The following TAFA2 variants were observed in gnomAD, a reference collection of about 807,000 sequenced individuals.
The protein encoded by TAFA2 is chemokine-like protein TAFA-2.
A neutral mutation model predicts 18.8 loss-of-function variants in TAFA2; 7 were observed. The ratio of observed to expected loss-of-function variants is 0.37; its 90% confidence interval spans 0.21 to 0.70. The LOEUF is 0.70. Ranked by LOEUF, TAFA2 falls within the 30% of genes least tolerant of loss-of-function variation. The pLI, the probability that TAFA2 is intolerant of heterozygous loss-of-function variation, is 0.53. For missense variants in TAFA2, 122 were observed against 158.1 expected (o/e 0.77, Z 1.23); for synonymous variants, 60 against 54.2 (o/e 1.11, Z -0.47).
At chr12:62,050,376 C>T (rs1300312533) in intron 1 of TAFA2, among the ~76,000 whole-genome samples, 1 of 151,978 alleles carries the variant, frequency 6.6e-6, no homozygotes, top group Non-Finnish European at 1.5e-5. Flanking sequence ...CAAGACCATC[C>T]TGGCTAACAC....
chr12:62,203,686 G>A (rs2062680967), intron 1 of TAFA2, among the ~76,000 whole-genome samples: 1 of 152,066 alleles, frequency 6.6e-6, no homozygotes, highest in African/African-American at 2.4e-5. Flanking sequence ...CCATTTGCTT[G>A]GGAAATTCTC....
chr12:62,259,142 G>C (rs529926484), upstream of TAFA2: 1 of 152,260 alleles, frequency 6.6e-6, no homozygotes, highest in South Asian at 2.0e-4. Context: ...AATGAGTTAG[G>C]GTTTAAAATG....
intron 4 of TAFA2, among the ~76,000 whole-genome samples, chr12:61,719,738 G>A (rs989687507): frequency 2.0e-5 from 3 of 152,064 alleles, no homozygotes; most frequent in South Asian, 2.1e-4. Context: ...CCCTTAGGGC[G>A]GTTACACACC....
chr12:61,819,130 T>A (rs1872216095), intron 2 of TAFA2, among the ~76,000 whole-genome samples: 1 of 152,138 alleles, frequency 6.6e-6, no homozygotes, highest in Non-Finnish European at 1.5e-5. Context: ...ACTTGTCTAG[T>A]AAAAATAGAA....
intron 1 of TAFA2, among the ~76,000 whole-genome samples, chr12:61,931,629 A>G (rs1877558516): frequency 6.6e-6 from 1 of 152,224 alleles, no homozygotes; most frequent in Admixed American, 6.5e-5. Flanking sequence ...CAAAAACTGA[A>G]GGGCAATAAG....
chr12:62,059,139 A>ATGTGTGTGTG (rs374882700), intron 1 of TAFA2, among the ~76,000 whole-genome samples: 38,498 of 136,012 alleles, frequency 0.28, 5,809 homozygotes, highest in Middle Eastern at 0.43. Context: ...ATGTGTGTAT[A>ATGTGTGTGTG]TGTGTGTGTG....
At chr12:62,234,931 G>T in intron 1 of TAFA2, 2 of 794,444 alleles carry the variant, frequency 2.5e-6, no homozygotes, top group South Asian at 2.7e-5. Context: ...CACGGAGGGG[G>T]CATAGCCTGG....
At chr12:61,787,726 C>G (rs1190049685) in intron 2 of TAFA2, among the ~76,000 whole-genome samples, 1 of 151,156 alleles carries the variant, frequency 6.6e-6, no homozygotes, top group Non-Finnish European at 1.5e-5. Context: ...AAGGAAAGAC[C>G]CAAAGCTTAC....
intron 1 of TAFA2, among the ~76,000 whole-genome samples, chr12:61,902,500 G>T (rs374365106): frequency 6.6e-6 from 1 of 152,098 alleles, no homozygotes; most frequent in Non-Finnish European, 1.5e-5. Flanking sequence ...TCTTCTGGGA[G>T]TGAGGCTTTG....
In TAFA2 at chr12:61,747,308, G is replaced by A. The variant is rs1404568812; in HGVS notation, c.384+6314C>T. 2.0e-4 allele frequency among the ~76,000 whole-genome samples: 29 copies of A among 143,996 alleles called. No individual in the cohort carries two copies. In the East Asian group the frequency reaches 4.3e-3, roughly 21 times the overall value. The allele number at this position is 143,996 out of a possible 152,430, so 94.5% of individuals were successfully genotyped here. A position where few individuals can be genotyped will look rare whatever the true frequency, so the allele number is the denominator to read the frequency against. On this transcript the variant is annotated intron_variant, in intron 4 of 4. Coordinates refer to ENST00000416284, the MANE Select transcript of TAFA2 (RefSeq NM_178539.5). The stretch of plus-strand genomic sequence containing the variant: ...CAACCATTGTGGAAGTCAGTGTGGC[G>A]ATTCCTCAGGGATCTATAACTGGAA...
rs201051816 is a variant in TAFA2, at chr12:62,213,717, TGTC to T, written c.-130+45043_-130+45045del. 1.1e-3 allele frequency among the ~76,000 whole-genome samples: 161 copies of T among 152,320 alleles called. 1 individual carries two copies. In the East Asian group the frequency reaches 0.029, roughly 27 times the overall value. On this transcript the variant is annotated intron_variant, in intron 1 of 5. Transcript: ENST00000551619. ...TGTGCCTTGTTAATACACATGGTCT[TGTC>T]TTTCAGAATTTACAATCCAAGTTAA...
chr12:61,796,496 T>C (rs891110135), intron 2 of TAFA2, among the ~76,000 whole-genome samples: 5 of 152,084 alleles, frequency 3.3e-5, no homozygotes, highest in Non-Finnish European at 5.9e-5. Flanking sequence ...AACTGATCAA[T>C]GTGTAATAAC....
intron 1 of TAFA2, among the ~76,000 whole-genome samples, chr12:62,184,780 A>G (rs1435267436): frequency 1.3e-5 from 2 of 151,972 alleles, no homozygotes; most frequent in Non-Finnish European, 2.9e-5. Flanking sequence ...GATTACAGGC[A>G]TGAGCCACCG....
rs1312195291 is a variant in TAFA2 at position 61,820,048 on chromosome 12, T to A, written c.106+47272A>T. 2.6e-5 allele frequency among the ~76,000 whole-genome samples: 4 copies of A among 152,098 alleles called. No homozygotes were observed. In the East Asian group the frequency reaches 7.7e-4, roughly 29 times the overall value. ...CTCTACCTTATCCAGAAACATTTTTTAATATGTTTCCACAAGTCTTTATAG... is the reference window on the plus strand; with the variant it reads ...CTCTACCTTATCCAGAAACATTTTTAAATATGTTTCCACAAGTCTTTATAG... On this transcript the variant is annotated intron_variant, in intron 2 of 4. Coordinates refer to ENST00000416284, the MANE Select transcript of TAFA2 (RefSeq NM_178539.5).
intron 2 of TAFA2, among the ~76,000 whole-genome samples, chr12:61,755,369 A>G (rs1333356901): frequency 6.6e-6 from 1 of 152,140 alleles, no homozygotes; most frequent in African/African-American, 2.4e-5. Flanking sequence ...TCAAAGTAAA[A>G]TAAACCTCTG....
At chr12:62,047,309 AT>A (rs760959726) in intron 1 of TAFA2, among the ~76,000 whole-genome samples, 10 of 152,142 alleles carry the variant, frequency 6.6e-5, no homozygotes, top group Non-Finnish European at 1.0e-4. Context: ...ACTGTATGAT[AT>A]TTGGCAAGTG....
intron 1 of TAFA2, among the ~76,000 whole-genome samples, chr12:61,910,097 TGTTTGTGTGTGTGTGTG>T (rs1565677891): frequency 3.2e-5 from 3 of 93,800 alleles, no homozygotes; most frequent in African/African-American, 1.3e-4. Context: ...TGTGTGTGTG[TGTTTGTGTGTGTGTGTG>T]TGTGTGTGTG....
In TAFA2 at chr12:61,847,031, T is replaced by G. The variant is rs1873433822; in HGVS notation, c.106+20289A>C. The stretch of plus-strand genomic sequence containing the variant: ...GCCCTCCAACCAACTACACTTTCCT[T>G]CCCACACAAGTCTTTTACTTACCCG... On this transcript the variant is annotated intron_variant, in intron 2 of 4. Coordinates refer to ENST00000416284, the MANE Select transcript of TAFA2 (RefSeq NM_178539.5). Among the ~76,000 whole-genome samples the G allele has an allele frequency of 2.0e-5, 3 of 152,160 alleles. 1 individual carries two copies. Among genetic ancestry groups the G allele is most frequent in the Admixed American group, 2.0e-4 (3 of 15,268 alleles).
At chr12:62,039,433 A>C (rs1421616047) in intron 1 of TAFA2, among the ~76,000 whole-genome samples, 1 of 152,170 alleles carries the variant, frequency 6.6e-6, no homozygotes, top group East Asian at 1.9e-4. Context: ...GCTATGCATA[A>C]CATATTTCCT....
Sources: gnomAD v4.1 joint callset for allele counts (sites outside exome capture counted in the v4.1 genomes callset) on GRCh38, gnomAD v4.1.1 for gene constraint, MANE v1.5 for transcripts, NCBI Gene and HGNC (gene_info 2026-07-23, HGNC 2026-07-21) for gene names.